POLR2B: variants seen among roughly 807,000 people sequenced by gnomAD.
POLR2B encodes the protein DNA-directed RNA polymerase II subunit RPB2.
POLR2B carries 57 observed loss-of-function variants against 144.6 expected under a neutral mutation model. That is an observed-to-expected ratio of 0.39 (90% CI 0.32 to 0.49). The LOEUF is 0.49. Ranked by LOEUF, POLR2B falls within the 20% of genes least tolerant of loss-of-function variation. The pLI is 0.83. For synonymous variants in POLR2B, 442 were observed against 469.8 expected, an observed-to-expected ratio of 0.94 and a Z score of 0.77; for missense variants, 595 against 1,467.4, an observed-to-expected ratio of 0.41 and a Z score of 9.71.
At chr4:56,991,755 T>G (rs1484366763) in intron 3 of POLR2B, among the ~76,000 whole-genome samples, 2 of 152,170 alleles carry the variant, frequency 1.3e-5, no homozygotes, top group African/African-American at 4.8e-5. Context: ...ATTAAGTTTC[T>G]TTTTTATTCT....
In POLR2B at chr4:57,030,270, T is replaced by C; in HGVS notation, c.3306T>C (p.Phe1102=). The C allele has an allele frequency of 1.2e-6, 2 of 1,614,124 alleles. No individual in the cohort carries two copies. Among genetic ancestry groups the C allele is most frequent in the Non-Finnish European group, 1.7e-6 (2 of 1,179,974 alleles). ...DCQIAHGAAQ[F]LRERLFEASD... ...AGATTGCCCATGGAGCAGCCCAGTT[T>C]TTAAGGGAAAGATTGTTTGAGGCAT... Residue 1102 remains phenylalanine, a synonymous_variant, in exon 24 of 25, where the codon TTT becomes TTC. Transcript: ENST00000314595.
intron 13 of POLR2B, among the ~76,000 whole-genome samples, chr4:57,012,036 A>G (rs954109739): frequency 2.0e-5 from 3 of 152,220 alleles, no homozygotes; most frequent in Non-Finnish European, 4.4e-5. Context: ...ATAAAATGTG[A>G]TATACCACTA....
chr4:57,029,737 T>G (rs974895319), intron 23 of POLR2B, among the ~76,000 whole-genome samples: 11 of 152,184 alleles, frequency 7.2e-5, no homozygotes, highest in African/African-American at 2.4e-4. Flanking sequence ...TCATTATTCA[T>G]TTTTTTAGTA....
At position 57,011,060 on chromosome 4, in the gene POLR2B, TAAGGA is replaced by T; in HGVS notation, c.1763_1767del (p.Arg588IlefsTer11). ...GATCCCGAACAACTTATGAACACCC[TAAGGA>T]AATTGAGACGTCAGATGGACATCAT... On this transcript the variant is annotated frameshift_variant, in exon 13 of 25. Coordinates refer to ENST00000314595, the MANE Select transcript of POLR2B (RefSeq NM_000938.3). LOFTEE classifies it high-confidence loss of function. 6.2e-7 allele frequency: 1 copy of T among 1,613,656 alleles called. No individual in the cohort carries two copies. The highest frequency in any genetic ancestry group is 8.5e-7 in the Non-Finnish European group (1 of 1,179,548).
At chr4:56,989,223 G>T (rs1486334552) in intron 2 of POLR2B, among the ~76,000 whole-genome samples, 2 of 152,134 alleles carry the variant, frequency 1.3e-5, no homozygotes, top group Admixed American at 6.5e-5. Flanking sequence ...GCTTCCTGGG[G>T]TAATGAAACT....
At chr4:57,028,026 C>G (rs1723780456) in intron 23 of POLR2B, among the ~76,000 whole-genome samples, 1 of 152,192 alleles carries the variant, frequency 6.6e-6, no homozygotes, top group Admixed American at 6.5e-5. Context: ...TTATTTTCCT[C>G]AAAGACTTAC....
Position 57,024,412 on chromosome 4 carries a change from T to G in POLR2B, c.2964+300T>G, listed in dbSNP as rs114748672. On this transcript the variant is annotated intron_variant, in intron 21 of 24. Coordinates refer to ENST00000314595, the MANE Select transcript of POLR2B (RefSeq NM_000938.3). ...GTTGATGGAGAGTTCAATGTGAACTTAATAATTTTATAGTTCTATTATCAG... is the reference window on the plus strand; with the variant it reads ...GTTGATGGAGAGTTCAATGTGAACTGAATAATTTTATAGTTCTATTATCAG... 7.7e-4 allele frequency among the ~76,000 whole-genome samples: 118 copies of G among 152,338 alleles called. 1 individual carries two copies. The highest frequency in any genetic ancestry group is 2.6e-3 in the African/African-American group (109 of 41,586).
At chr4:56,983,788 G>C (rs1257705010) in intron 1 of POLR2B, among the ~76,000 whole-genome samples, 2 of 151,820 alleles carry the variant, frequency 1.3e-5, no homozygotes, top group Non-Finnish European at 2.9e-5. Flanking sequence ...TTACTGACAT[G>C]AGCCACTGCA....
In POLR2B at chr4:57,023,967, A is replaced by G; in HGVS notation, c.2857-38A>G. 8.9e-7 allele frequency: 1 copy of G among 1,124,192 alleles called. No homozygotes were observed. The highest frequency in any genetic ancestry group is 1.6e-5 in the African/African-American group (1 of 63,926). The allele number at this position is 1,124,192 out of a possible 1,614,324, so 69.6% of individuals were successfully genotyped here. The stretch of plus-strand genomic sequence containing the variant: ...TGAAATGTCAGTTCTAGTTTAGTAT[A>G]TGTATCTTTGAGTCCCTTTTAAAAT... On this transcript the variant is annotated intron_variant, in intron 20 of 24. Transcript: ENST00000314595. The surrounding 1 kb of genome is among the most constrained non-coding windows in gnomAD (Gnocchi z 4.3).
intron 2 of POLR2B, among the ~76,000 whole-genome samples, chr4:56,987,656 A>G (rs182292304): frequency 6.6e-6 from 1 of 152,282 alleles, no homozygotes; most frequent in Non-Finnish European, 1.5e-5. Flanking sequence ...TGAGGCAGTC[A>G]GATCACTTGA....
intron 2 of POLR2B, 74 bp from the exon 3 acceptor site, chr4:56,990,657 GAATAATGAAAATGGGGA>G (rs887076631): frequency 1.8e-5 from 20 of 1,127,788 alleles, no homozygotes; most frequent in South Asian, 3.0e-5. Flanking sequence ...ACTGTTTCTT[GAATAATGAAAATGGGGA>G]AATAATGAAA....
At chr4:56,997,410 C>T (rs1254429685) in intron 6 of POLR2B, among the ~76,000 whole-genome samples, 1 of 152,108 alleles carries the variant, frequency 6.6e-6, no homozygotes, top group Non-Finnish European at 1.5e-5. Context: ...GCATGCTCCA[C>T]CACACCTGGC....
intron 1 of POLR2B, 109 bp from the exon 2 acceptor site, chr4:56,986,245 A>G (rs776244975): frequency 2.6e-6 from 2 of 778,588 alleles, no homozygotes; most frequent in South Asian, 2.7e-5. Flanking sequence ...TGAAAGCATT[A>G]CTTATTCAGC....
At position 57,015,622 on chromosome 4, in the gene POLR2B, G is replaced by A. The variant is rs767201208; in HGVS notation, c.1921G>A (p.Asp641Asn). The change falls in exon 14 of 25, where the codon GAC (aspartate) becomes AAC (asparagine). Residue 641 changes from aspartate (D) to asparagine (N), a missense_variant. This residue lies in a region of POLR2B where 59 missense variants were observed against 84.2 expected (regional missense o/e 0.70). Transcript: ENST00000314595. ...QKLLLKKRHI[D>N]QLKEREYNNY... is the part of the protein sequence containing the mutation. ...GCTACTTTTGAAGAAGAGGCATATTGACCAATTGAAAGAGAGAGAATATAA... is the reference window on the plus strand; with the variant it reads ...GCTACTTTTGAAGAAGAGGCATATTAACCAATTGAAAGAGAGAGAATATAA... 6.7e-7 allele frequency: 1 copy of A among 1,494,136 alleles called. No homozygotes were observed. The allele number at this position is 1,494,136 out of a possible 1,614,324, so 92.6% of individuals were successfully genotyped here. A position where few individuals can be genotyped will look rare whatever the true frequency, so the allele number is the denominator to read the frequency against.
chr4:57,024,799 AAT>A (rs1723662926), intron 21 of POLR2B, 85 bp from the exon 22 acceptor site: 1 of 680,422 alleles, frequency 1.5e-6, no homozygotes, highest in African/African-American at 1.9e-5. Flanking sequence ...AGTATTTAAA[AAT>A]TTTTTGAATG....
At chr4:56,980,594 C>T (rs1002647948) in intron 1 of POLR2B, among the ~76,000 whole-genome samples, 2 of 152,064 alleles carry the variant, frequency 1.3e-5, no homozygotes, top group Admixed American at 1.3e-4. Context: ...GTCTTGCTCA[C>T]CTATAGTCCC....
At position 57,018,000 on chromosome 4, in the gene POLR2B, T is replaced by G. The variant is rs1284050314; in HGVS notation, c.2323+272T>G. ...TCATGGAGAAGGTGGCATTTTAGAT[T>G]GGAGCAAAATTGATGAAGGGGTATT... On this transcript the variant is annotated intron_variant, in intron 16 of 24. Transcript: ENST00000314595. This position sits in a 1 kb window ranked among gnomAD's most constrained non-coding sequence, Gnocchi z 4.8. 1.3e-5 allele frequency among the ~76,000 whole-genome samples: 2 copies of G among 152,126 alleles called. No homozygotes were observed. The highest frequency in any genetic ancestry group is 6.6e-5 in the Admixed American group (1 of 15,252).
chr4:56,989,592 T>G (rs1157089558), intron 2 of POLR2B, among the ~76,000 whole-genome samples: 1 of 152,202 alleles, frequency 6.6e-6, no homozygotes, highest in African/African-American at 2.4e-5. Context: ...ACTCTGCATA[T>G]TGTCTTAGAA....
chr4:57,024,226 CT>C, intron 21 of POLR2B, 114 bp downstream of exon 21: 2 of 553,948 alleles, frequency 3.6e-6, no homozygotes, highest in Non-Finnish European at 6.1e-6. Flanking sequence ...TAGTGTGAGA[CT>C]TACTTTTCTG....
Sources: gnomAD v4.1 joint callset for allele counts (sites outside exome capture counted in the v4.1 genomes callset) on GRCh38, gnomAD v4.1.1 for gene constraint, gnomAD v4.1.1 regional missense constraint, Gnocchi (gnomAD v3.1) non-coding constraint, MANE v1.5 for transcripts, NCBI Gene and HGNC (gene_info 2026-07-23, HGNC 2026-07-21) for gene names.